Variants in TSPAN5 observed in about 807,000 individuals in gnomAD.
TSPAN5 encodes tetraspanin 5.
In TSPAN5, 10 loss-of-function variants were observed where a neutral mutation model predicts 37.1. The observed-to-expected ratio is 0.27, with a 90% CI of 0.17 to 0.46. The LOEUF is 0.46. Among genes scored for constraint, TSPAN5 ranks in the 20% least tolerant of loss-of-function variants. The pLI, the probability that TSPAN5 is intolerant of heterozygous loss-of-function variation, is 1.00. For missense variants in TSPAN5, 195 were observed against 326.6 expected (o/e 0.60, Z 3.11); for synonymous variants, 110 against 118.9 (o/e 0.93, Z 0.48).
intron 1 of TSPAN5, among the ~76,000 whole-genome samples, chr4:98,523,669 C>CCT (rs1753902782): frequency 6.6e-6 from 1 of 152,194 alleles, no homozygotes; most frequent in Non-Finnish European, 1.5e-5. Flanking sequence ...GAACTCTTGG[C>CCT]CTCAAGTGAT....
At chr4:98,602,253 C>T (rs1755900445) in intron 1 of TSPAN5, among the ~76,000 whole-genome samples, 1 of 151,870 alleles carries the variant, frequency 6.6e-6, no homozygotes. Context: ...AAGCAAAAAC[C>T]CAAAAACCAA....
chr4:98,476,898 A>G (rs2110254174), intron 5 of TSPAN5, among the ~76,000 whole-genome samples: 1 of 152,358 alleles, frequency 6.6e-6, no homozygotes, highest in African/African-American at 2.4e-5. Flanking sequence ...TTGTTTTTCA[A>G]TGAGCTTTTA....
chr4:98,534,240 A>G (rs1032428489), intron 1 of TSPAN5, among the ~76,000 whole-genome samples: 1 of 152,136 alleles, frequency 6.6e-6, no homozygotes, highest in African/African-American at 2.4e-5. Flanking sequence ...GGTTTCAAAG[A>G]ACATCTTTAT....
intron 1 of TSPAN5, among the ~76,000 whole-genome samples, chr4:98,626,886 GT>G (rs34770397): frequency 0.021 from 1,765 of 83,462 alleles, 18 homozygotes; most frequent in African/African-American, 0.077. Flanking sequence ...ATGAGAGCAG[GT>G]TTTTTTTTTT....
chr4:98,592,877 G>T (rs898568630), intron 1 of TSPAN5, among the ~76,000 whole-genome samples: 1 of 148,754 alleles, frequency 6.7e-6, no homozygotes. Context: ...TTGCTATTGT[G>T]AATAGTGCCG....
At position 98,580,782 on chromosome 4, in the gene TSPAN5, T is replaced by C. The variant is rs763658005; in HGVS notation, c.82-73054A>G. Among the ~76,000 whole-genome samples the C allele has an allele frequency of 2.8e-4, 43 of 152,226 alleles. 1 individual carries two copies. Among genetic ancestry groups the C allele is most frequent in the Non-Finnish European group, 2.1e-4 (14 of 68,042 alleles). ...AGAAACCTGCCACTGAGACTATTTATAATGTCAGCCAATTGGAGACCCGTA... is the reference window on the plus strand; with the variant it reads ...AGAAACCTGCCACTGAGACTATTTACAATGTCAGCCAATTGGAGACCCGTA... On this transcript the variant is annotated intron_variant, in intron 1 of 7. Coordinates refer to ENST00000305798, the MANE Select transcript of TSPAN5 (RefSeq NM_005723.4).
chr4:98,646,700 T>C (rs1374308631), intron 1 of TSPAN5, among the ~76,000 whole-genome samples: 1 of 152,152 alleles, frequency 6.6e-6, no homozygotes, highest in African/African-American at 2.4e-5. Context: ...TTAGATCTTT[T>C]TTTCCTTTTA....
At chr4:98,650,288 T>G (rs1301427531) in intron 1 of TSPAN5, among the ~76,000 whole-genome samples, 2 of 152,014 alleles carry the variant, frequency 1.3e-5, no homozygotes, top group East Asian at 3.9e-4. Context: ...GCTTCCTACG[T>G]TTACAAAAAC....
intron 1 of TSPAN5, among the ~76,000 whole-genome samples, chr4:98,520,603 G>A (rs1455479072): frequency 1.3e-5 from 2 of 152,216 alleles, no homozygotes; most frequent in African/African-American, 4.8e-5. Context: ...GTAACTGTGT[G>A]TGACCTTGGT....
intron 1 of TSPAN5, among the ~76,000 whole-genome samples, chr4:98,562,204 G>C (rs1392341312): frequency 1.3e-5 from 2 of 152,206 alleles, no homozygotes; most frequent in Non-Finnish European, 2.9e-5. Flanking sequence ...ATGGGAAACA[G>C]TAAGGCCAGA....
intron 2 of TSPAN5, among the ~76,000 whole-genome samples, chr4:98,505,617 C>G (rs895443844): frequency 1.4e-4 from 22 of 152,234 alleles, no homozygotes; most frequent in African/African-American, 5.3e-4. Context: ...CCAGAACTTA[C>G]CAGTATCTGG....
intron 1 of TSPAN5, among the ~76,000 whole-genome samples, chr4:98,605,596 A>G (rs1756014356): frequency 6.6e-6 from 1 of 152,188 alleles, no homozygotes; most frequent in Non-Finnish European, 1.5e-5. Context: ...ACTGAAGTTC[A>G]CTTATAAGAC....
At chr4:98,556,374 T>C (rs911512041) in intron 1 of TSPAN5, among the ~76,000 whole-genome samples, 1 of 152,132 alleles carries the variant, frequency 6.6e-6, no homozygotes, top group Admixed American at 6.5e-5. Flanking sequence ...AGCTGCCTAT[T>C]GAGGAAAAAT....
chr4:98,648,252 C>T (rs1239722088), intron 1 of TSPAN5, among the ~76,000 whole-genome samples: 1 of 152,200 alleles, frequency 6.6e-6, no homozygotes, highest in Non-Finnish European at 1.5e-5. Context: ...GAAAGCAACT[C>T]CCCTCCTACA....
chr4:98,513,170 C>G (rs934279818), intron 1 of TSPAN5, among the ~76,000 whole-genome samples: 1 of 152,130 alleles, frequency 6.6e-6, no homozygotes, highest in African/African-American at 2.4e-5. Context: ...ATTGCTGTGG[C>G]TGGTGCACAG....
chr4:98,614,238 G>A (rs1176104125), intron 1 of TSPAN5, among the ~76,000 whole-genome samples: 1 of 152,172 alleles, frequency 6.6e-6, no homozygotes, highest in Non-Finnish European at 1.5e-5. Flanking sequence ...GGAGTCTTAT[G>A]TCTAAATCAA....
At chr4:98,484,476 A>G (rs1752917336) in intron 3 of TSPAN5, 1 of 455,890 alleles carries the variant, frequency 2.2e-6, no homozygotes, top group South Asian at 1.6e-5. Context: ...ATATTTTCCA[A>G]GTCTTAAAAG....
At chr4:98,634,773 G>C (rs1560568627) in intron 1 of TSPAN5, among the ~76,000 whole-genome samples, 1 of 151,980 alleles carries the variant, frequency 6.6e-6, no homozygotes, top group Non-Finnish European at 1.5e-5. Flanking sequence ...AATTTCTACA[G>C]ATGAAGACCA....
At chr4:98,624,372 G>A (rs1309264478) in intron 1 of TSPAN5, among the ~76,000 whole-genome samples, 3 of 152,090 alleles carry the variant, frequency 2.0e-5, no homozygotes, top group Admixed American at 6.5e-5. Flanking sequence ...TACAGACTAA[G>A]TGCAGCATAA....
Sources: allele counts gnomAD v4.1 joint callset (sites outside exome capture counted in the v4.1 genomes callset), GRCh38; gene constraint gnomAD v4.1.1; transcripts MANE v1.5; gene names NCBI Gene and HGNC (gene_info 2026-07-23, HGNC 2026-07-21).